The following DCC variants were observed in gnomAD, a reference collection of about 807,000 sequenced individuals.
DCC encodes the protein netrin receptor DCC.
A neutral mutation model predicts 172.5 loss-of-function variants in DCC; 58 were observed. That is an observed-to-expected ratio of 0.34 (90% confidence interval 0.27 to 0.42). DCC has a LOEUF of 0.42. Among genes scored for constraint, DCC ranks in the 10% least tolerant of loss-of-function variants. The probability of loss-of-function intolerance (pLI) is 1.00; values close to 1 mark genes in which losing one functional copy is unlikely to be tolerated. For synonymous variants in DCC, 709 were observed against 644.5 expected (o/e 1.10, Z -1.52); for missense variants, 1,740 against 1,791.0 (o/e 0.97, Z 0.51).
chr18:52,652,711 A>AGTGTGTGT (rs71175513), intron 1 of DCC, among the ~76,000 whole-genome samples: 9,788 of 143,338 alleles, frequency 0.068, 353 homozygotes, highest in East Asian at 0.12. Flanking sequence ...ACTGCAATAA[A>AGTGTGTGT]GTGTGTGTGT....
intron 5 of DCC, among the ~76,000 whole-genome samples, chr18:52,977,306 G>A (rs1448660119): frequency 1.3e-5 from 2 of 152,052 alleles, no homozygotes; most frequent in African/African-American, 2.4e-5. Context: ...AATTACCTGG[G>A]GAGCTCTAAA....
intron 1 of DCC, among the ~76,000 whole-genome samples, chr18:52,362,084 T>C (rs1167195769): frequency 6.6e-6 from 1 of 152,216 alleles, no homozygotes; most frequent in Non-Finnish European, 1.5e-5. Flanking sequence ...GGTTGCTAAT[T>C]ATGCATGGCT....
At chr18:52,401,545 G>A (rs1986441708) in intron 1 of DCC, among the ~76,000 whole-genome samples, 1 of 152,038 alleles carries the variant, frequency 6.6e-6, no homozygotes, top group Non-Finnish European at 1.5e-5. Context: ...AATTGACTCA[G>A]TCTACAGCTA....
intron 1 of DCC, among the ~76,000 whole-genome samples, chr18:52,436,560 C>A (rs1987801347): frequency 6.6e-6 from 1 of 152,178 alleles, no homozygotes; most frequent in South Asian, 2.1e-4. Flanking sequence ...TTTCCAGGGG[C>A]TTCCTATGTA....
intron 5 of DCC, among the ~76,000 whole-genome samples, chr18:52,962,721 A>G (rs2040862763): frequency 6.6e-6 from 1 of 151,856 alleles, no homozygotes; most frequent in Non-Finnish European, 1.5e-5. Flanking sequence ...TCCAACAATG[A>G]TAGACTGGAT....
chr18:53,191,151 A>G (rs1413237098), intron 9 of DCC, among the ~76,000 whole-genome samples: 1 of 152,182 alleles, frequency 6.6e-6, no homozygotes, highest in Non-Finnish European at 1.5e-5. Flanking sequence ...ATAAAAAATA[A>G]TGATTACTAC....
intron 7 of DCC, among the ~76,000 whole-genome samples, chr18:53,073,868 A>C (rs1468126967): frequency 6.6e-6 from 1 of 151,202 alleles, no homozygotes; most frequent in East Asian, 1.9e-4. Flanking sequence ...TAGAAATCCA[A>C]ATGGACAAAA....
At chr18:52,523,821 G>T (rs1326538499) in intron 1 of DCC, among the ~76,000 whole-genome samples, 1 of 152,160 alleles carries the variant, frequency 6.6e-6, no homozygotes, top group Non-Finnish European at 1.5e-5. Context: ...ATTAATACCA[G>T]CAGGGACTTG....
At chr18:53,103,391 A>G (rs1205537129) in intron 7 of DCC, among the ~76,000 whole-genome samples, 1 of 152,046 alleles carries the variant, frequency 6.6e-6, no homozygotes, top group East Asian at 1.9e-4. Context: ...TTTAATTTTA[A>G]GTTTTATTTT....
At chr18:52,973,067 A>T (rs1455649945) in intron 5 of DCC, among the ~76,000 whole-genome samples, 3 of 152,206 alleles carry the variant, frequency 2.0e-5, no homozygotes, top group Admixed American at 2.0e-4. Flanking sequence ...TTTCCTGATA[A>T]CACGGTGCTA....
At chr18:53,099,935 C>CTTTTTTTTTTTT (rs1476054809) in intron 7 of DCC, among the ~76,000 whole-genome samples, 2 of 117,112 alleles carry the variant, frequency 1.7e-5, no homozygotes, top group African/African-American at 7.6e-5. Context: ...CTTTTCTTTT[C>CTTTTTTTTTTTT]TTTCTTTCTT....
chr18:53,161,245 A>G (rs574567873), intron 8 of DCC, among the ~76,000 whole-genome samples: 2 of 152,334 alleles, frequency 1.3e-5, no homozygotes, highest in South Asian at 2.1e-4. Flanking sequence ...AGGTTCACCA[A>G]TAACCTCCTG....
intron 12 of DCC, among the ~76,000 whole-genome samples, chr18:53,265,977 A>G (rs1268193133): frequency 6.6e-6 from 1 of 151,926 alleles, no homozygotes; most frequent in Non-Finnish European, 1.5e-5. Context: ...TTCTCTCTTG[A>G]GCTCTACTTT....
intron 5 of DCC, among the ~76,000 whole-genome samples, chr18:52,988,264 TA>T (rs11362874): frequency 0.58 from 87,595 of 149,790 alleles, 25,678 homozygotes; most frequent in Non-Finnish European, 0.63. Context: ...GGTGTTTCTG[TA>T]AAAAAAAAAA....
chr18:52,629,742 C>T (rs1221871), intron 1 of DCC, among the ~76,000 whole-genome samples: 6 of 151,894 alleles, frequency 4.0e-5, no homozygotes, highest in African/African-American at 1.5e-4. Context: ...CGAGGTCAGG[C>T]GATCGAGACC....
At chr18:52,381,763 T>C (rs1448070984) in intron 1 of DCC, among the ~76,000 whole-genome samples, 1 of 152,128 alleles carries the variant, frequency 6.6e-6, no homozygotes, top group Non-Finnish European at 1.5e-5. Flanking sequence ...CCTCTTCTCT[T>C]TTCTGCCCTA....
intron 1 of DCC, among the ~76,000 whole-genome samples, chr18:52,727,665 G>A (rs1335455229): frequency 6.6e-6 from 1 of 151,996 alleles, no homozygotes; most frequent in African/African-American, 2.4e-5. Flanking sequence ...GCAAAATCCA[G>A]TGAATCAAAG....
chr18:52,690,731 A>G (rs1400403562), intron 1 of DCC, among the ~76,000 whole-genome samples: 2 of 152,172 alleles, frequency 1.3e-5, no homozygotes, highest in East Asian at 1.9e-4. Context: ...AATACAAAGT[A>G]TAAATCAATG....
At chr18:52,490,179 G>T (rs138774797) in intron 1 of DCC, among the ~76,000 whole-genome samples, 104 of 152,188 alleles carry the variant, frequency 6.8e-4, no homozygotes, top group African/African-American at 2.3e-3. Flanking sequence ...TGGTAATTAA[G>T]ATATACTAAT....
Sources: gnomAD v4.1 joint callset for allele counts (sites outside exome capture counted in the v4.1 genomes callset) on GRCh38, gnomAD v4.1.1 for gene constraint, MANE v1.5 for transcripts, NCBI Gene and HGNC (gene_info 2026-07-23, HGNC 2026-07-21) for gene names.